Variants in RHAG observed in about 807,000 individuals in gnomAD.
RHAG encodes ammonium transporter Rh type A.
In RHAG, 25 loss-of-function variants were observed where a neutral mutation model predicts 42.4. The observed-to-expected ratio is 0.59, with a 90% CI of 0.43 to 0.82. RHAG has a LOEUF of 0.82. Ranked by LOEUF, RHAG falls within the 40% of genes least tolerant of loss-of-function variation. The probability of loss-of-function intolerance (pLI) is 0.00; values close to 1 mark genes in which losing one functional copy is unlikely to be tolerated. For missense variants in RHAG, 483 were observed against 504.6 expected, an observed-to-expected ratio of 0.96 and a Z score of 0.41; for synonymous variants, 182 against 177.7, an observed-to-expected ratio of 1.02 and a Z score of -0.19.
At chr6:49,625,830 A>ACT (rs1425494551) in intron 1 of RHAG, among the ~76,000 whole-genome samples, 1 of 152,174 alleles carries the variant, frequency 6.6e-6, no homozygotes, top group African/African-American at 2.4e-5. Flanking sequence ...CAGTTCCACA[A>ACT]GGCTGGGGAG....
Position 49,612,511 on chromosome 6 carries a change from A to G in RHAG, c.831T>C (p.Leu277=). ...LNMVHIQNAT[L]AGGVAVGTCA... is the part of the protein sequence containing the mutation. Reference sequence around the variant, plus strand: ...AAGTGCCCACAGCAACTCCTCCAGCAAGGGTGGCATTCTGAATGTGAACCT... The same window carrying G: ...AAGTGCCCACAGCAACTCCTCCAGCGAGGGTGGCATTCTGAATGTGAACCT... Residue 277 remains leucine (L), a synonymous_variant, in exon 6 of 10, where the codon CTT becomes CTC. Transcript: ENST00000371175. The G allele has an allele frequency of 6.2e-7, 1 of 1,614,110 alleles. No individual in the cohort carries two copies. Among genetic ancestry groups the G allele is most frequent in the Non-Finnish European group, 8.5e-7 (1 of 1,179,988 alleles).
intron 7 of RHAG, 105 bp downstream of exon 7, chr6:49,610,919 T>C: frequency 1.4e-6 from 2 of 1,429,984 alleles, no homozygotes; most frequent in South Asian, 2.3e-5. Context: ...GTAAAGACAA[T>C]ACAAACCATG....
intron 4 of RHAG, chr6:49,615,323 A>G (rs1762636629): frequency 3.6e-6 from 1 of 280,012 alleles, no homozygotes. Flanking sequence ...AAGAGAAAAG[A>G]GGAGAATTGA....
chr6:49,614,652 A>G (rs1228849114), intron 5 of RHAG, 35 bp downstream of exon 5: 3 of 1,608,776 alleles, frequency 1.9e-6, no homozygotes, highest in Non-Finnish European at 2.5e-6. Context: ...AGTGTTGTGA[A>G]GCAAAATTTC....
intron 3 of RHAG, 75 bp from the exon 4 acceptor site, chr6:49,615,846 A>T (rs1203641612): frequency 7.0e-7 from 1 of 1,426,018 alleles, no homozygotes; most frequent in East Asian, 2.3e-5. Flanking sequence ...TCAATGAAAG[A>T]ATTGCATTGT....
Position 49,617,317 on chromosome 6 carries a change from T to A in RHAG, c.492+751A>T, listed in dbSNP as rs186484234. 3.5e-3 allele frequency among the ~76,000 whole-genome samples: 532 copies of A among 152,336 alleles called. 1 individual carries two copies. Among genetic ancestry groups the A allele is most frequent in the African/African-American group, 0.011 (461 of 41,580 alleles). On this transcript the variant is annotated intron_variant, in intron 3 of 9. Coordinates refer to ENST00000371175, the MANE Select transcript of RHAG (RefSeq NM_000324.3). ...CTAATCTTCCAGTTACACTTTCTCA[T>A]AGACCTACCCTACATATTTTTCATA...
At chr6:49,614,476 A>AG (rs1762619204) in intron 5 of RHAG, among the ~76,000 whole-genome samples, 1 of 152,048 alleles carries the variant, frequency 6.6e-6, no homozygotes, top group South Asian at 2.1e-4. Flanking sequence ...TGCTGGGATT[A>AG]CAGGCATTAG....
Position 49,605,616 on chromosome 6 carries a change from C to T in RHAG, c.*197G>A. 1 of 684,300 alleles carries T rather than the reference C, an allele frequency of 1.5e-6. No individual in the cohort carries two copies. Among genetic ancestry groups the T allele is most frequent in the Middle Eastern group, 2.6e-4 (1 of 3,908 alleles). 42.4% of individuals were successfully genotyped at this position (684,300 alleles called of 1,614,324 possible). On this transcript the variant is annotated 3_prime_UTR_variant, in exon 10 of 10. Transcript: ENST00000371175. ...TTGAAGAGCAAGAGACAGCATCAGACATAAGGACATTTTTACACTGGCCAT... is the reference window on the plus strand; with the variant it reads ...TTGAAGAGCAAGAGACAGCATCAGATATAAGGACATTTTTACACTGGCCAT...
chr6:49,627,591 C>T (rs975329445), intron 1 of RHAG, among the ~76,000 whole-genome samples: 1 of 152,134 alleles, frequency 6.6e-6, no homozygotes, highest in Non-Finnish European at 1.5e-5. Flanking sequence ...CTACCTGTAC[C>T]AATTTACTGC....
At chr6:49,622,905 G>T (rs1030853279) in intron 1 of RHAG, among the ~76,000 whole-genome samples, 1 of 145,668 alleles carries the variant, frequency 6.9e-6, no homozygotes, top group Non-Finnish European at 1.5e-5. Flanking sequence ...GCGCTATCTC[G>T]GCTCACTGCA....
At chr6:49,619,837 G>A (rs986855835) in intron 1 of RHAG, among the ~76,000 whole-genome samples, 3 of 152,166 alleles carry the variant, frequency 2.0e-5, no homozygotes, top group Admixed American at 6.5e-5. Flanking sequence ...TCAATAAGGT[G>A]TCCATCTCCT....
chr6:49,635,157 G>A (rs1762991646), intron 1 of RHAG, among the ~76,000 whole-genome samples: 1 of 151,274 alleles, frequency 6.6e-6, no homozygotes, highest in Non-Finnish European at 1.5e-5. Context: ...AAATGACCAT[G>A]TTTAGTGACT....
At chr6:49,614,903 C>CT in intron 4 of RHAG, 50 bp from the exon 5 acceptor site, 5 of 1,505,528 alleles carry the variant, frequency 3.3e-6, no homozygotes, top group Non-Finnish European at 4.6e-6. Flanking sequence ...GGAAGACAGT[C>CT]CAGAGGATGC....
chr6:49,613,401 A>G (rs571724559), intron 5 of RHAG, among the ~76,000 whole-genome samples: 1 of 152,318 alleles, frequency 6.6e-6, no homozygotes, highest in South Asian at 2.1e-4. Flanking sequence ...AGAATTTCTC[A>G]GAAAAGTTGC....
At chr6:49,625,051 A>C (rs1442066134) in intron 1 of RHAG, among the ~76,000 whole-genome samples, 4 of 152,170 alleles carry the variant, frequency 2.6e-5, no homozygotes, top group Non-Finnish European at 5.9e-5. Flanking sequence ...GAATTCTACA[A>C]TTTTTGTTTA....
chr6:49,611,723 T>C (rs1562012895), intron 6 of RHAG, among the ~76,000 whole-genome samples: 1 of 151,702 alleles, frequency 6.6e-6, no homozygotes. Flanking sequence ...CACCTACTGA[T>C]GACATCCTAA....
At chr6:49,626,700 C>T (rs1762850066) in intron 1 of RHAG, among the ~76,000 whole-genome samples, 2 of 152,208 alleles carry the variant, frequency 1.3e-5, no homozygotes, top group Admixed American at 1.3e-4. Flanking sequence ...CCCCACATTT[C>T]CCTTCTGCAC....
At chr6:49,618,998 G>A (rs140665576) in intron 2 of RHAG, among the ~76,000 whole-genome samples, 181 bp downstream of exon 2, 3 of 152,204 alleles carry the variant, frequency 2.0e-5, no homozygotes, top group Admixed American at 6.5e-5. Flanking sequence ...AGTGGAAGGG[G>A]TCAGGAGTCT....
At chr6:49,633,256 G>A (rs1462762622) in intron 1 of RHAG, among the ~76,000 whole-genome samples, 1 of 152,116 alleles carries the variant, frequency 6.6e-6, no homozygotes, top group Non-Finnish European at 1.5e-5. Context: ...TTCTTGGGGA[G>A]GAACCGAGCC....
Sources: gnomAD v4.1 joint callset for allele counts (sites outside exome capture counted in the v4.1 genomes callset) on GRCh38, gnomAD v4.1.1 for gene constraint, MANE v1.5 for transcripts, NCBI Gene and HGNC (gene_info 2026-07-23, HGNC 2026-07-21) for gene names.